The following IQCK variants were observed in gnomAD, a reference collection of about 807,000 sequenced individuals.
IQCK encodes IQ motif containing K.
A neutral mutation model predicts 28.1 loss-of-function variants in IQCK; 29 were observed. The ratio of observed to expected loss-of-function variants is 1.03; its 90% CI spans 0.77 to 1.41. The LOEUF (loss-of-function observed/expected upper bound fraction) is 1.41, where lower values mean the gene tolerates loss of function less well. IQCK is among the 40% of genes most tolerant of loss of function. IQCK has a pLI of 0.00. For missense variants in IQCK, 359 were observed against 314.7 expected (o/e 1.14, Z -1.07); for synonymous variants, 113 against 115.1 (o/e 0.98, Z 0.12).
intron 4 of IQCK, among the ~76,000 whole-genome samples, chr16:19,744,901 A>G (rs1209946102): frequency 3.3e-5 from 5 of 152,238 alleles, no homozygotes; most frequent in Non-Finnish European, 2.9e-5. Context: ...TAGATACTGT[A>G]CAGACATTTC....
At chr16:19,831,445 G>A (rs896262131), downstream of IQCK, among the ~76,000 whole-genome samples, 1 of 152,100 alleles carries the variant, frequency 6.6e-6, no homozygotes, top group Non-Finnish European at 1.5e-5. Flanking sequence ...AAGCTCATGC[G>A]CTAGAGTTAC....
chr16:19,769,315 T>A (rs1436348924), intron 6 of IQCK, among the ~76,000 whole-genome samples: 1 of 152,326 alleles, frequency 6.6e-6, no homozygotes, highest in East Asian at 1.9e-4. Context: ...TGTGTGGACA[T>A]ATTTATTTTA....
At chr16:19,824,987 G>T (rs1243753919) in intron 7 of IQCK, among the ~76,000 whole-genome samples, 1 of 152,132 alleles carries the variant, frequency 6.6e-6, no homozygotes, top group Non-Finnish European at 1.5e-5. Context: ...TGGGTTCGAT[G>T]CCCCTTTGTT....
intron 9 of IQCK, among the ~76,000 whole-genome samples, chr16:19,846,561 T>C (rs1293302185): frequency 2.0e-5 from 3 of 152,198 alleles, no homozygotes; most frequent in Non-Finnish European, 4.4e-5. Context: ...TTAACTTTAG[T>C]AACTGTTTGG....
chr16:19,829,202 A>G (rs2056197162), downstream of IQCK, among the ~76,000 whole-genome samples: 3 of 151,796 alleles, frequency 2.0e-5, no homozygotes, highest in South Asian at 6.2e-4. Context: ...ACAGGCCATC[A>G]TGCCTTGGGT....
In IQCK at chr16:19,732,606, G is replaced by A. The variant is rs140135833; in HGVS notation, c.247-1092G>A. ...CTCCCAAAGTACTGGGACTACAGGC[G>A]TATGCCACCACTGCCAGCTAATTAT... is the stretch of plus-strand genomic sequence containing the variant. On this transcript the variant is annotated intron_variant, in intron 2 of 7. Coordinates refer to ENST00000564186, the Ensembl canonical transcript of IQCK. Among the ~76,000 whole-genome samples, 1,389 of 152,264 alleles carry A rather than the reference G, an allele frequency of 9.1e-3. 20 individuals are homozygous for A. The highest frequency in any genetic ancestry group is 0.031 in the African/African-American group (1,301 of 41,556).
exon 1 of IQCK, chr16:19,718,312 G>T (rs767207002): frequency 6.2e-6 from 10 of 1,605,318 alleles, no homozygotes; most frequent in African/African-American, 2.7e-5. Flanking sequence ...CGGCCATGGC[G>T]GCACCGCGGC....
chr16:19,775,865 G>GTTT (rs1171516551), intron 6 of IQCK, among the ~76,000 whole-genome samples: 4 of 78,754 alleles, frequency 5.1e-5, no homozygotes, highest in African/African-American at 4.6e-5. Flanking sequence ...CTGGGCACAG[G>GTTT]CTTTTTTTTT....
rs573020918 is a variant in IQCK at position 19,723,960 on chromosome 16, C to CAA, written c.181+5488_181+5489dup. 6.5e-3 allele frequency among the ~76,000 whole-genome samples: 678 copies of CAA among 104,386 alleles called. 6 individuals are homozygous for CAA. The highest frequency in any genetic ancestry group is 0.022 in the African/African-American group (647 of 28,964). 68.5% of individuals were successfully genotyped at this position (104,386 alleles called of 152,430 possible). ...GGGTGACAGAGTGAGACTCTTGTTTCAAAAAAAAAAAAAAAAGCAGCTTCC... is the reference window on the plus strand; with the variant it reads ...GGGTGACAGAGTGAGACTCTTGTTTCAAAAAAAAAAAAAAAAAAGCAGCTTCC... On this transcript the variant is annotated intron_variant, in intron 1 of 7. Transcript: ENST00000564186.
intron 1 of IQCK, among the ~76,000 whole-genome samples, chr16:19,720,918 A>G (rs1977473236): frequency 6.6e-6 from 1 of 152,050 alleles, no homozygotes; most frequent in Non-Finnish European, 1.5e-5. Context: ...AGACTGAGGC[A>G]GGAGAGTCGC....
At chr16:19,827,973 T>C (rs12448812), downstream of IQCK, among the ~76,000 whole-genome samples, 35,196 of 151,682 alleles carry the variant, frequency 0.23, 4,282 homozygotes, top group Admixed American at 0.28. Context: ...AGTGCAGCGG[T>C]GTGACCTTGG....
chr16:19,759,057 A>G (rs929159393), intron 4 of IQCK, among the ~76,000 whole-genome samples: 1 of 152,218 alleles, frequency 6.6e-6, no homozygotes, highest in African/African-American at 2.4e-5. Flanking sequence ...CTACAATTAT[A>G]TTAGCAATTC....
intron 9 of IQCK, among the ~76,000 whole-genome samples, chr16:19,834,564 C>G (rs2141102366): frequency 6.6e-6 from 1 of 152,352 alleles, no homozygotes; most frequent in Non-Finnish European, 1.5e-5. Context: ...CACCCTGACA[C>G]TGGAGTGACC....
chr16:19,723,719 C>T (rs865858491), intron 1 of IQCK, among the ~76,000 whole-genome samples: 3 of 151,998 alleles, frequency 2.0e-5, no homozygotes, highest in Admixed American at 2.0e-4. Context: ...ATTAGGAGAC[C>T]GACGGGGCTG....
chr16:19,840,024 C>T (rs1375486854), intron 9 of IQCK, among the ~76,000 whole-genome samples: 1 of 146,916 alleles, frequency 6.8e-6, no homozygotes. Context: ...GCAAACAGAA[C>T]TGTTTCCAAA....
At chr16:19,784,119 T>C (rs2055530577) in intron 6 of IQCK, among the ~76,000 whole-genome samples, 1 of 152,190 alleles carries the variant, frequency 6.6e-6, no homozygotes. Flanking sequence ...TAGGATTCCC[T>C]GCGGAGGTTC....
chr16:19,855,626 C>T (rs2056550068), intron 9 of IQCK, among the ~76,000 whole-genome samples: 1 of 152,138 alleles, frequency 6.6e-6, no homozygotes, highest in Non-Finnish European at 1.5e-5. Context: ...TACATACCCA[C>T]CTCTTTGCCG....
intron 9 of IQCK, among the ~76,000 whole-genome samples, chr16:19,839,098 A>G (rs1024646454): frequency 2.0e-5 from 3 of 151,654 alleles, no homozygotes; most frequent in Non-Finnish European, 4.4e-5. Context: ...CAGAGGTTAA[A>G]TCATTCACCT....
intron 7 of IQCK, among the ~76,000 whole-genome samples, chr16:19,804,953 A>T (rs2055815175): frequency 6.6e-6 from 1 of 152,078 alleles, no homozygotes; most frequent in African/African-American, 2.4e-5. Context: ...TCTCTTGAGT[A>T]TGTGGCTTCC....
Sources: gnomAD v4.1 joint callset for allele counts (sites outside exome capture counted in the v4.1 genomes callset) on GRCh38, gnomAD v4.1.1 for gene constraint, MANE v1.5 for transcripts, NCBI Gene and HGNC (gene_info 2026-07-23, HGNC 2026-07-21) for gene names.